The following RELN variants were observed in gnomAD, a reference collection of about 807,000 sequenced individuals.
The protein encoded by RELN is reelin.
In RELN, 108 loss-of-function variants were observed where a neutral mutation model predicts 427.6. The ratio of observed to expected loss-of-function variants is 0.25; its 90% confidence interval spans 0.22 to 0.30. The LOEUF is 0.30. RELN is among the 10% of genes least tolerant of loss of function. RELN has a pLI of 1.00. For missense variants in RELN, 3,715 were observed against 4,302.8 expected, an observed-to-expected ratio of 0.86 and a Z score of 3.82; for synonymous variants, 1,524 against 1,513.4, an observed-to-expected ratio of 1.01 and a Z score of -0.16.
intron 2 of RELN, among the ~76,000 whole-genome samples, chr7:103,872,424 T>C (rs1441182467): frequency 7.0e-4 from 96 of 137,858 alleles, no homozygotes; most frequent in Non-Finnish European, 1.3e-3. Context: ...TAGTATTCCA[T>C]GGTGTATATG....
At chr7:103,825,345 C>A (rs1236526584) in intron 3 of RELN, among the ~76,000 whole-genome samples, 1 of 152,010 alleles carries the variant, frequency 6.6e-6, no homozygotes, top group Admixed American at 6.6e-5. Context: ...GTCCTGGGCA[C>A]TGTAAGGGAT....
intron 20 of RELN, among the ~76,000 whole-genome samples, chr7:103,625,316 A>G (rs1173783368): frequency 6.6e-6 from 1 of 152,222 alleles, no homozygotes; most frequent in Non-Finnish European, 1.5e-5. Flanking sequence ...AAATAAGTAC[A>G]CCACTATGAG....
Position 103,610,816 on chromosome 7 carries a change from A to C in RELN, c.2896-9T>G. 2 of 1,506,626 alleles carry C rather than the reference A, an allele frequency of 1.3e-6. No homozygotes were observed. The highest frequency in any genetic ancestry group is 1.8e-6 in the Non-Finnish European group (2 of 1,082,220). 93.3% of individuals were successfully genotyped at this position (1,506,626 alleles called of 1,614,324 possible). ...ATACTTGGAAGGCATTCCTGAAAGA[A>C]AGTTAGGCACAAATCAAACCCAGCT... On this transcript the variant is annotated splice_polypyrimidine_tract_variant and intron_variant, in intron 21 of 64. Coordinates refer to ENST00000428762, the MANE Select transcript of RELN (RefSeq NM_005045.4).
intron 2 of RELN, among the ~76,000 whole-genome samples, chr7:103,886,427 A>G (rs6954763): frequency 0.26 from 39,557 of 152,136 alleles, 5,899 homozygotes; most frequent in African/African-American, 0.4. Context: ...GCTAAAATCT[A>G]TCAAAGCTAT....
chr7:103,839,645 A>G (rs1793503896), intron 2 of RELN, among the ~76,000 whole-genome samples: 1 of 152,178 alleles, frequency 6.6e-6, no homozygotes, highest in Non-Finnish European at 1.5e-5. Flanking sequence ...AAAAAATACA[A>G]TATAAGAGTG....
intron 28 of RELN, among the ~76,000 whole-genome samples, chr7:103,584,274 T>C (rs530499731): frequency 1.1e-4 from 16 of 152,284 alleles, no homozygotes; most frequent in African/African-American, 3.6e-4. Flanking sequence ...GACTGGCAGA[T>C]TGGATAAGAA....
intron 3 of RELN, among the ~76,000 whole-genome samples, chr7:103,782,759 A>C (rs750615688): frequency 6.6e-6 from 1 of 152,170 alleles, no homozygotes; most frequent in African/African-American, 2.4e-5. Context: ...TAAATTCCCA[A>C]GTGTATTACT....
intron 11 of RELN, among the ~76,000 whole-genome samples, chr7:103,669,465 T>C (rs1833343016): frequency 6.6e-6 from 1 of 152,164 alleles, no homozygotes. Context: ...CCCAGAGCTC[T>C]ATCAACTACT....
intron 10 of RELN, among the ~76,000 whole-genome samples, chr7:103,691,650 TA>T (rs1833872671): frequency 6.6e-6 from 1 of 151,922 alleles, no homozygotes; most frequent in African/African-American, 2.4e-5. Flanking sequence ...CCATCTTTAC[TA>T]AAAGTACAAA....
chr7:103,560,118 G>C (rs1211245261), intron 36 of RELN, among the ~76,000 whole-genome samples: 1 of 152,160 alleles, frequency 6.6e-6, no homozygotes, highest in African/African-American at 2.4e-5. Flanking sequence ...GTCAAACTCT[G>C]CTGCCACATA....
intron 11 of RELN, among the ~76,000 whole-genome samples, chr7:103,679,853 T>C (rs1338583904): frequency 6.6e-6 from 1 of 152,206 alleles, no homozygotes; most frequent in East Asian, 1.9e-4. Context: ...TCTTCTAAAC[T>C]ATGCTTGGTT....
chr7:103,842,395 T>C (rs1280930285), intron 2 of RELN, among the ~76,000 whole-genome samples: 1 of 152,220 alleles, frequency 6.6e-6, no homozygotes, highest in Non-Finnish European at 1.5e-5. Context: ...TGAATAACTG[T>C]CTACTTACAG....
chr7:103,835,242 G>C (rs1034066412), intron 2 of RELN, among the ~76,000 whole-genome samples: 1 of 152,164 alleles, frequency 6.6e-6, no homozygotes, highest in African/African-American at 2.4e-5. Context: ...TTCTGGAAAA[G>C]GTAAAACTAT....
chr7:103,605,789 T>A (rs557047652), intron 22 of RELN, among the ~76,000 whole-genome samples: 2 of 152,326 alleles, frequency 1.3e-5, no homozygotes, highest in South Asian at 2.1e-4. Flanking sequence ...CATAACAGAC[T>A]GTTAAAATTC....
chr7:103,981,827 C>T (rs1266813067), intron 1 of RELN, among the ~76,000 whole-genome samples: 1 of 152,234 alleles, frequency 6.6e-6, no homozygotes, highest in Non-Finnish European at 1.5e-5. Flanking sequence ...TGCGTGCCTG[C>T]TGAGTCTTTT....
intron 11 of RELN, among the ~76,000 whole-genome samples, chr7:103,680,966 C>T (rs1190840986): frequency 6.6e-6 from 1 of 152,138 alleles, no homozygotes; most frequent in Non-Finnish European, 1.5e-5. Flanking sequence ...ACCTGAGCCA[C>T]TTCCCTGAGG....
intron 51 of RELN, among the ~76,000 whole-genome samples, chr7:103,503,648 C>G (rs991874819): frequency 6.6e-6 from 1 of 152,156 alleles, no homozygotes; most frequent in African/African-American, 2.4e-5. Flanking sequence ...CAATACAACA[C>G]TTTCAACGAC....
intron 3 of RELN, among the ~76,000 whole-genome samples, chr7:103,820,164 T>C (rs1023754651): frequency 1.3e-5 from 2 of 152,080 alleles, no homozygotes; most frequent in African/African-American, 4.8e-5. Flanking sequence ...TAGGGTTAAA[T>C]AGTACCATTT....
In RELN at chr7:103,953,804, C is replaced by T. The variant is rs1277983825; in HGVS notation, c.226+35327G>A. ...AAAATTATCCAGGTGTGGTGGCACA[C>T]GCCTATAATCCCAACTACTCGGGAG... On this transcript the variant is annotated intron_variant, in intron 1 of 64. Transcript: ENST00000428762. The surrounding 1 kb of genome is among the most constrained non-coding windows in gnomAD (Gnocchi z 4.3). 2.6e-5 allele frequency among the ~76,000 whole-genome samples: 4 copies of T among 151,802 alleles called. No individual in the cohort carries two copies. The highest frequency in any genetic ancestry group is 9.7e-5 in the African/African-American group (4 of 41,294).
Sources: allele counts gnomAD v4.1 joint callset (sites outside exome capture counted in the v4.1 genomes callset), GRCh38; gene constraint gnomAD v4.1.1; non-coding constraint Gnocchi (gnomAD v3.1); transcripts MANE v1.5; gene names NCBI Gene and HGNC (gene_info 2026-07-23, HGNC 2026-07-21).